The following RBM44 variants were observed in gnomAD, a reference collection of about 807,000 sequenced individuals.
RBM44 encodes RNA-binding protein 44.
RBM44 carries 66 observed loss-of-function variants against 105.1 expected under a neutral mutation model. The ratio of observed to expected loss-of-function variants is 0.63; its 90% CI spans 0.52 to 0.77. The LOEUF is 0.77. RBM44 is among the 30% of genes least tolerant of loss of function. The pLI, the probability that RBM44 is intolerant of heterozygous loss-of-function variation, is 0.00. For synonymous variants in RBM44, 365 were observed against 417.6 expected (o/e 0.87, Z 1.54); for missense variants, 1,122 against 1,207.8 (o/e 0.93, Z 1.05).
intron 1 of RBM44, among the ~76,000 whole-genome samples, chr2:237,807,469 ATCT>A (rs965925810): frequency 1.3e-5 from 2 of 152,210 alleles, no homozygotes; most frequent in Non-Finnish European, 2.9e-5. Flanking sequence ...ATTTTTTAAA[ATCT>A]TCTCAAAAGC....
chr2:237,809,631 G>A (rs1048338151), intron 1 of RBM44, among the ~76,000 whole-genome samples: 3 of 152,062 alleles, frequency 2.0e-5, no homozygotes, highest in Admixed American at 2.0e-4. Flanking sequence ...TCTCTTCTCT[G>A]CCTGTTTCTA....
In RBM44 at chr2:237,841,339, A is replaced by T. The variant is rs62196145; in HGVS notation, c.*23-500A>T. ...GGAACAGAAAACCAAATACCACGTG[A>T]TCTTACTTATAAATGGCAGCTAAAC... On this transcript the variant is annotated intron_variant, in intron 15 of 15. Transcript: ENST00000316997. The surrounding 1 kb of genome is among the most constrained non-coding windows in gnomAD (Gnocchi z 4.5). 0.19 allele frequency among the ~76,000 whole-genome samples: 29,481 copies of T among 152,106 alleles called. 3,319 individuals are homozygous for T. Among genetic ancestry groups the T allele is most frequent in the East Asian group, 0.41 (2,131 of 5,168 alleles).
At position 237,824,332 on chromosome 2, in the gene RBM44, G is replaced by T. The variant is rs763047779; in HGVS notation, c.2362G>T (p.Ala788Ser). Reference protein sequence around the residue: ...YQETSEDWSDAKESLTGVDVS... With the variant: ...YQETSEDWSDSKESLTGVDVS... ...AGAGACAAGCGAAGACTGGTCTGAT[G>T]CTAAAGAGAGCCTGACAGGAGTTGA... Residue 788 changes from alanine (A) to serine (S), a missense_variant, in exon 10 of 16, where the codon GCT becomes TCT. By Grantham distance (99) the Ala-to-Ser change is moderately conservative. Coordinates refer to ENST00000316997, the MANE Select transcript of RBM44 (RefSeq NM_001080504.3). 1.2e-6 allele frequency: 2 copies of T among 1,613,114 alleles called. No homozygotes were observed. The highest frequency in any genetic ancestry group is 1.7e-6 in the Non-Finnish European group (2 of 1,179,370).
intron 15 of RBM44, among the ~76,000 whole-genome samples, chr2:237,838,628 G>A (rs888983306): frequency 6.6e-6 from 1 of 152,156 alleles, no homozygotes; most frequent in Non-Finnish European, 1.5e-5. Context: ...AGAGTAAGAT[G>A]TTCTGTGTTG....
At chr2:237,820,554 G>C (rs776425272) in intron 5 of RBM44, 4 of 391,672 alleles carry the variant, frequency 1.0e-5, no homozygotes, top group Non-Finnish European at 1.8e-5. Context: ...TGAATCCAGT[G>C]AAAACATAGA....
Position 237,817,788 on chromosome 2 carries a change from A to G in RBM44, c.869A>G (p.Tyr290Cys). The G allele has an allele frequency of 1.2e-6, 2 of 1,611,648 alleles. No individual in the cohort carries two copies. The highest frequency in any genetic ancestry group is 1.7e-4 in the Middle Eastern group (1 of 6,044). The change falls in exon 3 of 16, where the codon TAC (tyrosine) becomes TGC (cysteine). Residue 290 changes from tyrosine (Y) to cysteine (C), a missense_variant. Tyr to Cys is a radical substitution (Grantham distance 194). Transcript: ENST00000316997. ...KYKEQETNSM[Y>C]HTVFDGSVLR... Reference sequence around the variant, plus strand: ...AAGGAACAAGAGACTAATTCAATGTACCACACTGTATTTGATGGCAGTGTA... The same window carrying G: ...AAGGAACAAGAGACTAATTCAATGTGCCACACTGTATTTGATGGCAGTGTA...
Position 237,818,203 on chromosome 2 carries a change from G to A in RBM44, c.1284G>A (p.Thr428=), listed in dbSNP as rs369741355. 8.3e-5 allele frequency: 134 copies of A among 1,612,996 alleles called. No individual in the cohort carries two copies. Among genetic ancestry groups the A allele is most frequent in the South Asian group, 1.1e-4 (10 of 91,050 alleles). Residue 428 remains threonine, a synonymous_variant, in exon 3 of 16, where the codon ACG becomes ACA. Transcript: ENST00000316997. The surrounding 1 kb of genome is among the most constrained non-coding windows in gnomAD (Gnocchi z 4.6). ...ATAATCAGGCAATAGAAGATAATAC[G>A]TCCCTAAAAGTTGCTCATAGCAGTA... ...VRDNQAIEDN[T]SLKVAHSSTT...
Position 237,803,990 on chromosome 2 carries a change from C to T in RBM44, c.-19+5129C>T, listed in dbSNP as rs1301651637. Among the ~76,000 whole-genome samples the T allele has an allele frequency of 3.9e-5, 6 of 152,002 alleles. No homozygotes were observed. The East Asian group carries it at 1.2e-3, about 29-fold the overall frequency. Reference sequence around the variant, plus strand: ...GCAACCTCTGGGGTTCTGCCTCAGCCTCCCAAGTAGGTGGGACTACAAGCG... The same window carrying T: ...GCAACCTCTGGGGTTCTGCCTCAGCTTCCCAAGTAGGTGGGACTACAAGCG... On this transcript the variant is annotated intron_variant, in intron 1 of 15. Transcript: ENST00000316997. The surrounding 1 kb of genome is among the most constrained non-coding windows in gnomAD (Gnocchi z 4.2).
Position 237,818,362 on chromosome 2 carries a change from C to A in RBM44, c.1443C>A (p.Ser481Arg). 1.2e-6 allele frequency: 2 copies of A among 1,613,164 alleles called. No individual in the cohort carries two copies. Among genetic ancestry groups the A allele is most frequent in the Non-Finnish European group, 1.7e-6 (2 of 1,179,472 alleles). The change falls in exon 3 of 16, where the codon AGC becomes AGA. Residue 481 changes from serine (S) to arginine (R), a missense_variant. Physicochemically the swap from Ser to Arg is moderately radical, Grantham distance 110 (BLOSUM62 -1). Coordinates refer to ENST00000316997, the MANE Select transcript of RBM44 (RefSeq NM_001080504.3). This position sits in a 1 kb window ranked among gnomAD's most constrained non-coding sequence, Gnocchi z 4.6. Reference protein sequence around the residue: ...STDFRACFTTSRATSARPSVV... With the variant: ...STDFRACFTTRRATSARPSVV... ...ATTTTAGGGCTTGTTTCACAACCAG[C>A]AGGGCAACAAGTGCAAGACCTTCTG...
intron 2 of RBM44, 146 bp downstream of exon 2, chr2:237,813,828 T>C: frequency 1.7e-6 from 1 of 593,594 alleles, no homozygotes; most frequent in Non-Finnish European, 3.1e-6. Flanking sequence ...ACTTGCCAAA[T>C]TGACTCAGGT....
chr2:237,820,674 T>C (rs1433934549), intron 5 of RBM44: 1 of 234,494 alleles, frequency 4.3e-6, no homozygotes, highest in African/African-American at 2.2e-5. Context: ...GTACTGCCTT[T>C]AGAAAAACAT....
chr2:237,840,650 A>G (rs1401936796), intron 15 of RBM44, among the ~76,000 whole-genome samples: 2 of 152,170 alleles, frequency 1.3e-5, no homozygotes, highest in Admixed American at 1.3e-4. Flanking sequence ...CCCACAGAAT[A>G]TGAGAAAATA....
chr2:237,838,937 G>C (rs1425323542), intron 15 of RBM44, among the ~76,000 whole-genome samples: 3 of 152,234 alleles, frequency 2.0e-5, no homozygotes, highest in Non-Finnish European at 4.4e-5. Context: ...TGGTCATGTA[G>C]TTGCCCTCTG....
chr2:237,829,407 C>A lies in RBM44; in HGVS notation c.2791C>A (p.Gln931Lys), dbSNP rs769769357. The A allele has an allele frequency of 1.2e-5, 19 of 1,613,564 alleles. No homozygotes were observed. In the East Asian group the frequency reaches 3.8e-4, roughly 32 times the overall value. ...TAATTTAGAGAAAAGCACCAACAAA[C>A]AAATCCACTCAGAATTCTCCATTTC... Reference protein sequence around the residue: ...SNNLEKSTNKQIHSEFSISRL... With the variant: ...SNNLEKSTNKKIHSEFSISRL... Residue 931 changes from glutamine to lysine, a missense_variant, in exon 13 of 16, where the codon CAA becomes AAA. By Grantham distance (53) the Gln-to-Lys change is moderately conservative (BLOSUM62 1). Around this residue, in one of 3 missense-constraint regions of RBM44, gnomAD observed 194 missense variants for 225.5 expected, o/e 0.86. Coordinates refer to ENST00000316997, the MANE Select transcript of RBM44 (RefSeq NM_001080504.3).
rs765971765 is a variant in RBM44, at chr2:237,817,912, G to A, written c.993G>A (p.Met331Ile). 1.1e-5 allele frequency: 17 copies of A among 1,598,306 alleles called. No individual in the cohort carries two copies. The highest frequency in any genetic ancestry group is 1.1e-5 in the Non-Finnish European group (13 of 1,174,724). ...AAATGAAAATTTATACTGAAAACAT[G>A]AAATCTCAAATAAATGAAGGTAAAG... is the stretch of plus-strand genomic sequence containing the variant. ...VLKMKIYTENMKSQINEGKDF... is the reference protein window; with the variant it reads ...VLKMKIYTENIKSQINEGKDF... The change falls in exon 3 of 16, where the codon ATG becomes ATA. Residue 331 changes from methionine (M) to isoleucine (I), a missense_variant. Met to Ile is a conservative substitution (Grantham distance 10). Coordinates refer to ENST00000316997, the MANE Select transcript of RBM44 (RefSeq NM_001080504.3).
chr2:237,829,807 T>A (rs1175232491), intron 13 of RBM44, among the ~76,000 whole-genome samples: 1 of 152,206 alleles, frequency 6.6e-6, no homozygotes, highest in Admixed American at 6.5e-5. Context: ...TCTTTATTTT[T>A]CTTTCATAGC....
intron 1 of RBM44, among the ~76,000 whole-genome samples, chr2:237,812,740 A>G (rs1030024794): frequency 6.6e-6 from 1 of 152,188 alleles, no homozygotes; most frequent in Admixed American, 6.5e-5. Context: ...CAGAGGCTCA[A>G]AATGATTTTG....
intron 1 of RBM44, chr2:237,799,376 G>C (rs954612093): frequency 6.6e-6 from 1 of 152,308 alleles, no homozygotes. Flanking sequence ...CCTAAGAAGC[G>C]CGTATTTAAG....
chr2:237,826,283 G>A (rs2061847046), intron 10 of RBM44, among the ~76,000 whole-genome samples: 1 of 152,080 alleles, frequency 6.6e-6, no homozygotes, highest in African/African-American at 2.4e-5. Flanking sequence ...TGTGTGCCAG[G>A]TATGGGATTT....
Sources: gnomAD v4.1 joint callset for allele counts (sites outside exome capture counted in the v4.1 genomes callset) on GRCh38, gnomAD v4.1.1 for gene constraint, gnomAD v4.1.1 regional missense constraint, Gnocchi (gnomAD v3.1) non-coding constraint, MANE v1.5 for transcripts, NCBI Gene and HGNC (gene_info 2026-07-23, HGNC 2026-07-21) for gene names.